Variants in VWDE observed in about 807,000 individuals in gnomAD.
VWDE encodes the protein von Willebrand factor D and EGF domains.
Under a neutral mutation model 178.4 loss-of-function variants are expected in VWDE, and 207 were observed. The observed-to-expected ratio is 1.16, with a 90% CI of 1.04 to 1.30. The LOEUF is 1.30. Ranked by LOEUF, VWDE falls within the 50% of genes most tolerant of loss-of-function variation. The pLI is 0.00. For synonymous variants in VWDE, 738 were observed against 651.4 expected (o/e 1.13, Z -2.02); for missense variants, 2,287 against 1,901.3 (o/e 1.20, Z -3.77).
intron 19 of VWDE, among the ~76,000 whole-genome samples, chr7:12,350,829 C>T (rs1304378278): frequency 1.3e-5 from 2 of 152,020 alleles, no homozygotes; most frequent in Non-Finnish European, 2.9e-5. Context: ...AAAATGTCTG[C>T]CTAGTGCCGG....
intron 18 of VWDE, among the ~76,000 whole-genome samples, chr7:12,352,039 C>T (rs1196976078): frequency 6.6e-6 from 1 of 152,110 alleles, no homozygotes; most frequent in East Asian, 1.9e-4. Flanking sequence ...GGAAGAGATA[C>T]CACACATGCA....
rs773125214 is a variant in VWDE at position 12,342,049 on chromosome 7, C to G, written c.4270+10G>C. On this transcript the variant is annotated intron_variant, in intron 23 of 28. Coordinates refer to ENST00000275358, the MANE Select transcript of VWDE (RefSeq NM_001135924.3). The stretch of plus-strand genomic sequence containing the variant: ...ATTGACATGTTCATTGAAAATATTT[C>G]CAATTTTACCTGTACTACAGGTGGG... 29 of 1,542,736 alleles carry G rather than the reference C, an allele frequency of 1.9e-5. 1 individual carries two copies. The South Asian group carries it at 3.5e-4, about 18-fold the overall frequency.
intron 19 of VWDE, among the ~76,000 whole-genome samples, chr7:12,344,933 C>T (rs1034404237): frequency 4.6e-5 from 7 of 151,588 alleles, no homozygotes; most frequent in African/African-American, 1.5e-4. Flanking sequence ...GAATACAGAC[C>T]ACAATGTTAA....
intron 2 of VWDE, among the ~76,000 whole-genome samples, chr7:12,391,981 C>T (rs868034836): frequency 7.2e-5 from 11 of 152,074 alleles, no homozygotes; most frequent in African/African-American, 2.4e-4. Context: ...TGATGATGAA[C>T]ACGTTAGTAA....
At chr7:12,375,830 C>T (rs1472394366) in intron 7 of VWDE, among the ~76,000 whole-genome samples, 2 of 151,250 alleles carry the variant, frequency 1.3e-5, no homozygotes, top group African/African-American at 4.9e-5. Context: ...TCCCTCGCTT[C>T]GATAACAAAG....
intron 19 of VWDE, among the ~76,000 whole-genome samples, chr7:12,350,126 T>C (rs10236623): frequency 0.67 from 101,575 of 151,782 alleles, 35,713 homozygotes; most frequent in African/African-American, 0.91. Context: ...ATTATAAATG[T>C]TTTATTAAAG....
chr7:12,357,868 G>A (rs1782347628), intron 16 of VWDE, among the ~76,000 whole-genome samples: 1 of 151,918 alleles, frequency 6.6e-6, no homozygotes, highest in Non-Finnish European at 1.5e-5. Flanking sequence ...TCTGGCTGTG[G>A]ATCCTTTGCA....
chr7:12,374,901 A>T, intron 8 of VWDE, 109 bp downstream of exon 8: 1 of 1,235,122 alleles, frequency 8.1e-7, no homozygotes, highest in Non-Finnish European at 1.1e-6. Context: ...TCATTTAAAA[A>T]CTAATTTACC....
At position 12,337,352 on chromosome 7, in the gene VWDE, A is replaced by C. The variant is rs1424686878; in HGVS notation, c.4367-80T>G. ...TGATACATTGCATCATGTGCTTGTC[A>C]TCAATGAGGACATAAGGCAGAGAAA... On this transcript the variant is annotated intron_variant, in intron 24 of 28. Transcript: ENST00000275358. 4.3e-6 allele frequency: 5 copies of C among 1,162,294 alleles called. No individual in the cohort carries two copies. In the Admixed American group the frequency reaches 7.9e-5, roughly 18 times the overall value. The allele number at this position is 1,162,294 out of a possible 1,614,324, so 72.0% of individuals were successfully genotyped here. A position where few individuals can be genotyped will look rare whatever the true frequency, so the allele number is the denominator to read the frequency against.
chr7:12,357,989 T>C (rs1782355059), intron 16 of VWDE, among the ~76,000 whole-genome samples: 1 of 152,174 alleles, frequency 6.6e-6, no homozygotes, highest in Admixed American at 6.5e-5. Context: ...TCGCTGTACT[T>C]GCCTCCCCAG....
intron 19 of VWDE, among the ~76,000 whole-genome samples, chr7:12,349,057 T>A (rs563336988): frequency 1.3e-5 from 2 of 151,982 alleles, no homozygotes; most frequent in African/African-American, 2.4e-5. Context: ...AGGGGAACAT[T>A]ACACTCTGGG....
chr7:12,344,927 A>G lies in VWDE; in HGVS notation c.3887-458T>C, dbSNP rs113541643. The stretch of plus-strand genomic sequence containing the variant: ...ATGCCCACCGTGAGCTGAAAAGAAT[A>G]CAGACCACAATGTTAATCAGATCTA... On this transcript the variant is annotated intron_variant, in intron 19 of 28. Coordinates refer to ENST00000275358, the MANE Select transcript of VWDE (RefSeq NM_001135924.3). Among the ~76,000 whole-genome samples, 249 of 152,264 alleles carry G rather than the reference A, an allele frequency of 1.6e-3. 2 individuals are homozygous for G. Among genetic ancestry groups the G allele is most frequent in the African/African-American group, 5.7e-3 (237 of 41,570 alleles).
At position 12,351,591 on chromosome 7, in the gene VWDE, T is replaced by C. The variant is rs1781944754; in HGVS notation, c.3868A>G (p.Thr1290Ala). The C allele has an allele frequency of 6.5e-7, 1 of 1,549,056 alleles. No homozygotes were observed. Among genetic ancestry groups the C allele is most frequent in the Admixed American group, 2.0e-5 (1 of 50,642 alleles). Residue 1290 changes from threonine to alanine, a missense_variant, in exon 19 of 29, where the codon ACA becomes GCA. Thr to Ala is a moderately conservative substitution (Grantham distance 58). Transcript: ENST00000275358. ...AQGRKRHVKP[T>A]SGNAFTICKY... ...TACTTACTGAAGGCATTTCCACTTG[T>C]TGGCTTAACATGCCTCTTTCTCCCT...
chr7:12,376,905 C>T (rs1783559885), intron 7 of VWDE, among the ~76,000 whole-genome samples: 1 of 151,962 alleles, frequency 6.6e-6, no homozygotes, highest in South Asian at 2.1e-4. Context: ...CTCTCTCTCT[C>T]TCCTGGCTTT....
chr7:12,398,633 T>G (rs1394714118), intron 1 of VWDE, among the ~76,000 whole-genome samples: 2 of 152,142 alleles, frequency 1.3e-5, no homozygotes, highest in Non-Finnish European at 2.9e-5. Flanking sequence ...ATTGTTTCAG[T>G]GATTGGCTTT....
chr7:12,345,321 G>A (rs1259663290), intron 19 of VWDE, among the ~76,000 whole-genome samples: 1 of 152,004 alleles, frequency 6.6e-6, no homozygotes, highest in Non-Finnish European at 1.5e-5. Flanking sequence ...ATATGGAAAA[G>A]CATATCTTTT....
In VWDE at chr7:12,403,639, G is replaced by C. The variant is rs1230144677; in HGVS notation, c.58+20C>G. The C allele has an allele frequency of 6.5e-7, 1 of 1,534,540 alleles. No homozygotes were observed. Among genetic ancestry groups the C allele is most frequent in the Admixed American group, 2.0e-5 (1 of 50,516 alleles). ...GCGGCGCCACTGCGCGCCCACCCCC[G>C]CGCGCCCTACCTCGCTTACCTTCCC... is the stretch of plus-strand genomic sequence containing the variant. On this transcript the variant is annotated intron_variant, in intron 1 of 28. Transcript: ENST00000275358.
intron 18 of VWDE, among the ~76,000 whole-genome samples, chr7:12,354,874 T>C (rs1312080624): frequency 1.3e-5 from 2 of 152,202 alleles, no homozygotes; most frequent in African/African-American, 4.8e-5. Flanking sequence ...ACAAATTGTT[T>C]AGTCTAGTTA....
Position 12,391,352 on chromosome 7 carries a change from T to A in VWDE, c.244-1994A>T, listed in dbSNP as rs149111047. On this transcript the variant is annotated intron_variant, in intron 2 of 28. Coordinates refer to ENST00000275358, the MANE Select transcript of VWDE (RefSeq NM_001135924.3). The stretch of plus-strand genomic sequence containing the variant: ...AGAGAAAAAAAATCTATTGATTTTC[T>A]GGTTGAATACTTTAAAGCCTTAGTA... Among the ~76,000 whole-genome samples the A allele has an allele frequency of 6.4e-3, 976 of 152,308 alleles. 12 individuals carry two copies. The highest frequency in any genetic ancestry group is 0.022 in the African/African-American group (902 of 41,562).
Sources: gnomAD v4.1 joint callset for allele counts (sites outside exome capture counted in the v4.1 genomes callset) on GRCh38, gnomAD v4.1.1 for gene constraint, MANE v1.5 for transcripts, NCBI Gene and HGNC (gene_info 2026-07-23, HGNC 2026-07-21) for gene names.